CBLB: variants seen among roughly 807,000 people sequenced by gnomAD.
CBLB encodes the protein Cbl proto-oncogene B.
CBLB carries 31 observed loss-of-function variants against 104.9 expected under a neutral mutation model. The ratio of observed to expected loss-of-function variants is 0.30; its 90% CI spans 0.22 to 0.40. The LOEUF (loss-of-function observed/expected upper bound fraction) is 0.40, where lower values mean the gene tolerates loss of function less well. CBLB is among the 10% of genes least tolerant of loss of function. The probability of loss-of-function intolerance (pLI) is 1.00; values close to 1 mark genes in which losing one functional copy is unlikely to be tolerated. For missense variants in CBLB, 1,062 were observed against 1,214.6 expected, an observed-to-expected ratio of 0.87 and a Z score of 1.87; for synonymous variants, 440 against 422.6, an observed-to-expected ratio of 1.04 and a Z score of -0.51.
At chr3:105,677,363 A>C (rs564995121) in intron 17 of CBLB, among the ~76,000 whole-genome samples, 27 of 152,026 alleles carry the variant, frequency 1.8e-4, no homozygotes, top group Non-Finnish European at 3.7e-4. Flanking sequence ...AAAAAAAAAA[A>C]AAAAACTAAG....
intron 9 of CBLB, among the ~76,000 whole-genome samples, chr3:105,731,502 T>C (rs759143350): frequency 4.6e-5 from 7 of 152,240 alleles, no homozygotes; most frequent in Non-Finnish European, 8.8e-5. Context: ...ATTTATTTAC[T>C]AAGAATAAAC....
At chr3:105,869,390 T>A, upstream of CBLB, 1 of 1,341,520 alleles carries the variant, frequency 7.5e-7, no homozygotes, top group Non-Finnish European at 9.9e-7. Flanking sequence ...CAAAGCCATC[T>A]GGGGCTGAAA....
At chr3:105,709,708 C>A (rs1028846120) in intron 10 of CBLB, among the ~76,000 whole-genome samples, 1 of 151,832 alleles carries the variant, frequency 6.6e-6, no homozygotes, top group African/African-American at 2.4e-5. Context: ...ATAAAGAAAT[C>A]TTTAACCATA....
intron 3 of CBLB, among the ~76,000 whole-genome samples, chr3:105,807,285 A>G (rs2083636054): frequency 6.6e-6 from 1 of 152,208 alleles, no homozygotes; most frequent in Non-Finnish European, 1.5e-5. Context: ...GGCCGGACAC[A>G]GTGACTCACA....
intron 3 of CBLB, among the ~76,000 whole-genome samples, chr3:105,847,114 C>G (rs899642677): frequency 1.3e-5 from 2 of 151,888 alleles, no homozygotes; most frequent in African/African-American, 4.8e-5. Context: ...AACCATGTAT[C>G]TTCAACGTAC....
intron 3 of CBLB, among the ~76,000 whole-genome samples, chr3:105,826,196 A>C (rs1056707458): frequency 6.6e-6 from 1 of 152,164 alleles, no homozygotes; most frequent in African/African-American, 2.4e-5. Flanking sequence ...AAAATAGTAG[A>C]TACTTCAAAA....
chr3:105,807,278 C>T (rs535198074), intron 3 of CBLB, among the ~76,000 whole-genome samples: 3 of 152,232 alleles, frequency 2.0e-5, no homozygotes, highest in Middle Eastern at 3.4e-3. Context: ...GTGATATGGC[C>T]GGACACAGTG....
rs1279436531 is a variant in CBLB, at chr3:105,702,180, C to T, written c.1873G>A (p.Val625Ile). Residue 625 changes from valine to isoleucine, a missense_variant, in exon 12 of 19, where the codon GTC becomes ATC. This residue lies in a region of CBLB where 605 missense variants were observed against 582.6 expected (regional missense o/e 1.04). Transcript: ENST00000394030. ...PKPGITASSN[V>I]NGRHSRVGSD... ...CCCACTCTACTGTGCCTTCCATTGA[C>T]ATTTGAACTCGCTGTGATTCCAGGT... The T allele has an allele frequency of 6.2e-7, 1 of 1,614,120 alleles. No individual in the cohort carries two copies.
At position 105,868,219 on chromosome 3, in the gene CBLB, T is replaced by G. The variant is rs139104833; in HGVS notation, c.-15+517A>C. ...CGTTATTCCCAAGAACCAAATGAAATTAACACACAAATAGCCCATTTGAAA... is the reference window on the plus strand; with the variant it reads ...CGTTATTCCCAAGAACCAAATGAAAGTAACACACAAATAGCCCATTTGAAA... On this transcript the variant is annotated intron_variant, in intron 1 of 18. Transcript: ENST00000394030. 1,018 of 1,232,706 alleles carry G rather than the reference T, an allele frequency of 8.3e-4. 6 individuals carry two copies. In the African/African-American group the frequency reaches 0.013, roughly 16 times the overall value. The allele number at this position is 1,232,706 out of a possible 1,614,324, so 76.4% of individuals were successfully genotyped here.
At chr3:105,831,499 A>C (rs1282247941) in intron 3 of CBLB, among the ~76,000 whole-genome samples, 2 of 152,232 alleles carry the variant, frequency 1.3e-5, no homozygotes, top group Non-Finnish European at 2.9e-5. Context: ...TCTCTACACC[A>C]CCAACTACAA....
At chr3:105,706,084 G>C (rs2070090767) in intron 10 of CBLB, among the ~76,000 whole-genome samples, 1 of 152,060 alleles carries the variant, frequency 6.6e-6, no homozygotes, top group Non-Finnish European at 1.5e-5. Flanking sequence ...TGACTCTACA[G>C]TAAGCTATAA....
chr3:105,749,926 G>A (rs1390258054), intron 5 of CBLB, among the ~76,000 whole-genome samples: 1 of 151,396 alleles, frequency 6.6e-6, no homozygotes, highest in Non-Finnish European at 1.5e-5. Flanking sequence ...ATAATCAAAA[G>A]CACACTTTCA....
At chr3:105,709,138 T>G (rs1408779930) in intron 10 of CBLB, among the ~76,000 whole-genome samples, 1 of 151,912 alleles carries the variant, frequency 6.6e-6, no homozygotes, top group Non-Finnish European at 1.5e-5. Context: ...CAAATAGAAA[T>G]GCCTCTTGGA....
intron 3 of CBLB, among the ~76,000 whole-genome samples, chr3:105,806,810 C>T (rs2083568157): frequency 6.6e-6 from 1 of 152,008 alleles, no homozygotes; most frequent in Non-Finnish European, 1.5e-5. Context: ...ATATGGAATA[C>T]TTAGAAAACT....
chr3:105,839,785 T>C (rs2089258700), intron 3 of CBLB, among the ~76,000 whole-genome samples: 1 of 152,372 alleles, frequency 6.6e-6, no homozygotes, highest in East Asian at 1.9e-4. Flanking sequence ...AGTGTTGATA[T>C]AATGGGGAAA....
At chr3:105,869,145 G>A, upstream of CBLB, 4 of 690,492 alleles carry the variant, frequency 5.8e-6, no homozygotes, top group East Asian at 7.4e-5. Context: ...GACGGGAGGC[G>A]CCCGTCCTCC....
chr3:105,746,300 T>C (rs371057851), intron 5 of CBLB, among the ~76,000 whole-genome samples: 1 of 152,296 alleles, frequency 6.6e-6, no homozygotes, highest in African/African-American at 2.4e-5. Flanking sequence ...AAATCTCTTC[T>C]CTACACAGCC....
At chr3:105,682,405 T>C (rs1193651188) in intron 14 of CBLB, among the ~76,000 whole-genome samples, 1 of 152,182 alleles carries the variant, frequency 6.6e-6, no homozygotes, top group Admixed American at 6.5e-5. Context: ...CCTCTGACAC[T>C]ACAGAAAATG....
At chr3:105,796,185 T>C (rs1479279601) in intron 3 of CBLB, among the ~76,000 whole-genome samples, 1 of 152,182 alleles carries the variant, frequency 6.6e-6, no homozygotes, top group Non-Finnish European at 1.5e-5. Context: ...AATACCTGAC[T>C]TCAAACTATA....
Sources: gnomAD v4.1 joint callset for allele counts (sites outside exome capture counted in the v4.1 genomes callset) on GRCh38, gnomAD v4.1.1 for gene constraint, gnomAD v4.1.1 regional missense constraint, MANE v1.5 for transcripts, NCBI Gene and HGNC (gene_info 2026-07-23, HGNC 2026-07-21) for gene names.